CDK2AP2: variants seen among roughly 807,000 people sequenced by gnomAD.
The protein encoded by CDK2AP2 is cyclin-dependent kinase 2-associated protein 2.
A neutral mutation model predicts 13.0 loss-of-function variants in CDK2AP2; 1 was observed. The observed-to-expected ratio is 0.08, with a 90% CI of 0.03 to 0.37. The LOEUF (loss-of-function observed/expected upper bound fraction) is 0.37. Ranked by LOEUF, CDK2AP2 falls within the 10% of genes least tolerant of loss-of-function variation. The probability of loss-of-function intolerance (pLI) is 0.99; values close to 1 mark genes in which losing one functional copy is unlikely to be tolerated. For missense variants in CDK2AP2, 129 were observed against 175.8 expected (o/e 0.73, Z 1.50); for synonymous variants, 76 against 73.0 (o/e 1.04, Z -0.21).
At chr11:67,507,107 G>T in intron 3 of CDK2AP2, 95 bp from the exon 4 acceptor site, 1 of 975,852 alleles carries the variant, frequency 1.0e-6, no homozygotes, top group Non-Finnish European at 1.5e-6. Flanking sequence ...TCCACTTTCG[G>T]CAAAAGAAAT....
intron 1 of CDK2AP2, 61 bp from the exon 2 acceptor site, chr11:67,507,750 T>G: frequency 6.3e-7 from 1 of 1,593,218 alleles, no homozygotes; most frequent in African/African-American, 1.3e-5. Flanking sequence ...TCCCAGCTTT[T>G]CCAAGCCCAG....
Position 67,507,702 on chromosome 11 carries a change from G to A in CDK2AP2, c.83-13C>T. 6.2e-7 allele frequency: 1 copy of A among 1,612,500 alleles called. No homozygotes were observed. The highest frequency in any genetic ancestry group is 8.5e-7 in the Non-Finnish European group (1 of 1,179,772). On this transcript the variant is annotated splice_polypyrimidine_tract_variant and intron_variant, in intron 1 of 3. Transcript: ENST00000301488. ...GACGGGACGCTTCCTGCAGCAACAG[G>A]CGCGAGTAAGAGGTCAGCGCGGGGC...
chr11:67,507,262 C>T (rs943142397), intron 3 of CDK2AP2, 103 bp downstream of exon 3: 8 of 1,303,548 alleles, frequency 6.1e-6, no homozygotes, highest in African/African-American at 1.5e-5. Context: ...TAATACTGGA[C>T]ATCCTCTAGG....
chr11:67,507,566 A>C, intron 2 of CDK2AP2, 26 bp downstream of exon 2: 2 of 1,613,564 alleles, frequency 1.2e-6, no homozygotes, highest in African/African-American at 1.3e-5. Context: ...GTCCGCATCC[A>C]TAAGCAAGGC....
intron 1 of CDK2AP2, 109 bp downstream of exon 1, chr11:67,507,890 CTG>C (rs1273072925): frequency 1.3e-6 from 2 of 1,543,954 alleles, no homozygotes; most frequent in Non-Finnish European, 1.7e-6. Flanking sequence ...GGCCAGCAAA[CTG>C]AGGCTCAGCG....
Position 67,506,931 on chromosome 11 carries a change from C to T in CDK2AP2, c.*14G>A, listed in dbSNP as rs374505284. On this transcript the variant is annotated 3_prime_UTR_variant, in exon 4 of 4. Transcript: ENST00000301488. ...GCCGGATAGGTCCAGACGCTGAGGC[C>T]GAGGCGCTTCCTGTTACGTGCGGGC... 4.1e-4 allele frequency: 638 copies of T among 1,551,720 alleles called. 1 individual carries two copies. Among genetic ancestry groups the T allele is most frequent in the Middle Eastern group, 1.5e-3 (9 of 6,012 alleles).
At position 67,507,977 on chromosome 11, in the gene CDK2AP2, G is replaced by A. The variant is rs1475107212; in HGVS notation, c.82+24C>T. The A allele has an allele frequency of 3.9e-6, 6 of 1,549,698 alleles. 1 individual carries two copies. Among genetic ancestry groups the A allele is most frequent in the Middle Eastern group, 3.3e-4 (2 of 5,982 alleles). On this transcript the variant is annotated intron_variant, in intron 1 of 3. Coordinates refer to ENST00000301488, the MANE Select transcript of CDK2AP2 (RefSeq NM_005851.5). ...GAGACCTCGACCGCCCGGCAGGCGA[G>A]CAGGGGTGGAGCTGGATCCTCACCT...
rs1855583243 is a variant in CDK2AP2 at position 67,506,936 on chromosome 11, C to T, written c.*9G>A. 9.7e-6 allele frequency: 15 copies of T among 1,551,264 alleles called. No individual in the cohort carries two copies. The highest frequency in any genetic ancestry group is 1.2e-5 in the Non-Finnish European group (14 of 1,147,124). ...ATAGGTCCAGACGCTGAGGCCGAGG[C>T]GCTTCCTGTTACGTGCGGGCGTTCC... On this transcript the variant is annotated 3_prime_UTR_variant, in exon 4 of 4. Transcript: ENST00000301488.
At chr11:67,507,519 C>T in intron 2 of CDK2AP2, 22 bp from the exon 3 acceptor site, 1 of 1,613,796 alleles carries the variant, frequency 6.2e-7, no homozygotes, top group Non-Finnish European at 8.5e-7. Context: ...GAGAACAGGG[C>T]AGTGAGCTCA....
In CDK2AP2 at chr11:67,506,860, G is replaced by T; in HGVS notation, c.*85C>A. ...CAGGACAGGAAGCCCAGGATGGTTA[G>T]TGCAACTCGGGATGAAGGCCAGGGA... On this transcript the variant is annotated 3_prime_UTR_variant, in exon 4 of 4. Transcript: ENST00000301488. 8.5e-7 allele frequency: 1 copy of T among 1,176,124 alleles called. No homozygotes were observed. The highest frequency in any genetic ancestry group is 1.2e-6 in the Non-Finnish European group (1 of 810,128). The allele number at this position is 1,176,124 out of a possible 1,614,324, so 72.9% of individuals were successfully genotyped here.
At chr11:67,507,060 G>T in intron 3 of CDK2AP2, 48 bp from the exon 4 acceptor site, 1 of 1,377,054 alleles carries the variant, frequency 7.3e-7, no homozygotes, top group Non-Finnish European at 9.9e-7. Context: ...CCCACCCACT[G>T]CCCTCCAGAG....
At chr11:67,507,977 G>T in intron 1 of CDK2AP2, 24 bp downstream of exon 1, 1 of 1,549,698 alleles carries the variant, frequency 6.5e-7, no homozygotes, top group Non-Finnish European at 8.7e-7. Flanking sequence ...CGGCAGGCGA[G>T]CAGGGGTGGA....
chr11:67,507,144 T>A, intron 3 of CDK2AP2, 132 bp from the exon 4 acceptor site: 2 of 830,328 alleles, frequency 2.4e-6, no homozygotes, highest in Admixed American at 2.8e-5. Context: ...CTAGATGAAA[T>A]TAGAGGTTTG....
intron 1 of CDK2AP2, 96 bp downstream of exon 1, chr11:67,507,905 G>C: frequency 1.9e-6 from 3 of 1,545,966 alleles, no homozygotes; most frequent in African/African-American, 1.4e-5. Flanking sequence ...GCTCAGCGAG[G>C]GTAGGCGGCA....
Position 67,508,133 on chromosome 11 carries a change from G to A in CDK2AP2, c.-51C>T. 3.5e-6 allele frequency: 5 copies of A among 1,436,866 alleles called. No individual in the cohort carries two copies. Among genetic ancestry groups the A allele is most frequent in the Non-Finnish European group, 4.6e-6 (5 of 1,098,522 alleles). 89.0% of individuals were successfully genotyped at this position (1,436,866 alleles called of 1,614,324 possible). A position where few individuals can be genotyped will look rare whatever the true frequency, so the allele number is the denominator to read the frequency against. On this transcript the variant is annotated 5_prime_UTR_variant, in exon 1 of 4. Transcript: ENST00000301488. The stretch of plus-strand genomic sequence containing the variant: ...CCAGCCGGCCGCTCCTCGGGGGTTG[G>A]CTGCGGGGCCGCTCAGCCGCGCTCT...
chr11:67,507,126 A>G, intron 3 of CDK2AP2, 114 bp from the exon 4 acceptor site: 2 of 874,764 alleles, frequency 2.3e-6, no homozygotes, highest in Non-Finnish European at 3.5e-6. Flanking sequence ...ATTCAAATCT[A>G]ATGACGGCTA....
intron 3 of CDK2AP2, 137 bp downstream of exon 3, chr11:67,507,228 C>G (rs1470401742): frequency 9.5e-7 from 1 of 1,053,882 alleles, no homozygotes; most frequent in East Asian, 2.4e-5. Context: ...AATTTCAATT[C>G]GATTCAAAAC....
Position 67,506,874 on chromosome 11 carries a change from G to T in CDK2AP2, c.*71C>A. 1 of 1,317,526 alleles carries T rather than the reference G, an allele frequency of 7.6e-7. No homozygotes were observed. 81.6% of individuals were successfully genotyped at this position (1,317,526 alleles called of 1,614,324 possible). A position where few individuals can be genotyped will look rare whatever the true frequency, so the allele number is the denominator to read the frequency against. On this transcript the variant is annotated 3_prime_UTR_variant, in exon 4 of 4. Coordinates refer to ENST00000301488, the MANE Select transcript of CDK2AP2 (RefSeq NM_005851.5). ...CAGGATGGTTAGTGCAACTCGGGAT[G>T]AAGGCCAGGGAGAAGCGGGTGCTCT...
At chr11:67,507,910 G>A in intron 1 of CDK2AP2, 91 bp downstream of exon 1, 1 of 1,546,504 alleles carries the variant, frequency 6.5e-7, no homozygotes, top group Admixed American at 2.0e-5. Flanking sequence ...GCGAGGGTAG[G>A]CGGCAGGCCC....
Sources: gnomAD v4.1 joint callset for allele counts on GRCh38, gnomAD v4.1.1 for gene constraint, MANE v1.5 for transcripts, NCBI Gene and HGNC (gene_info 2026-07-23, HGNC 2026-07-21) for gene names.